STOX2: variants seen among roughly 807,000 people sequenced by gnomAD.
The protein encoded by STOX2 is storkhead box 2.
A neutral mutation model predicts 60.9 loss-of-function variants in STOX2; 28 were observed. The ratio of observed to expected loss-of-function variants is 0.46; its 90% CI spans 0.34 to 0.63. The LOEUF (loss-of-function observed/expected upper bound fraction) is 0.63, where lower values mean the gene tolerates loss of function less well. STOX2 is among the 30% of genes least tolerant of loss of function. The probability of loss-of-function intolerance (pLI) is 0.01; values close to 1 mark genes in which losing one functional copy is unlikely to be tolerated. For synonymous variants in STOX2, 472 were observed against 463.9 expected (o/e 1.02, Z -0.22); for missense variants, 1,024 against 1,187.7 (o/e 0.86, Z 2.03).
At chr4:183,909,835 G>T (rs1008095377) in intron 1 of STOX2, among the ~76,000 whole-genome samples, 1 of 152,196 alleles carries the variant, frequency 6.6e-6, no homozygotes, top group Admixed American at 6.5e-5. Context: ...GTGATTTATA[G>T]CAATAGGCTT....
intron 1 of STOX2, among the ~76,000 whole-genome samples, chr4:183,929,206 G>A (rs1045933688): frequency 2.0e-5 from 3 of 152,180 alleles, no homozygotes; most frequent in African/African-American, 7.2e-5. Context: ...CTCATGGCTG[G>A]TTTCTTTTCT....
intron 1 of STOX2, among the ~76,000 whole-genome samples, chr4:183,973,270 C>T (rs557554415): frequency 6.6e-6 from 1 of 152,240 alleles, no homozygotes; most frequent in South Asian, 2.1e-4. Flanking sequence ...CATGCCCTGA[C>T]ACATCATAAA....
chr4:183,966,759 C>T (rs1486481534), intron 1 of STOX2, among the ~76,000 whole-genome samples: 1 of 152,222 alleles, frequency 6.6e-6, no homozygotes, highest in Non-Finnish European at 1.5e-5. Flanking sequence ...GAAAGTGTGA[C>T]TTAATATTTT....
At chr4:183,986,938 T>A (rs1199437942) in intron 1 of STOX2, among the ~76,000 whole-genome samples, 1 of 152,200 alleles carries the variant, frequency 6.6e-6, no homozygotes, top group African/African-American at 2.4e-5. Context: ...CTTCAGTGCA[T>A]TTCCCATCTT....
At chr4:183,979,190 A>G (rs1462927171) in intron 1 of STOX2, among the ~76,000 whole-genome samples, 6 of 152,318 alleles carry the variant, frequency 3.9e-5, no homozygotes, top group Non-Finnish European at 8.8e-5. Flanking sequence ...GGGAGCCAGC[A>G]TTGTTGGATG....
chr4:183,956,851 G>A (rs954019280), intron 1 of STOX2, among the ~76,000 whole-genome samples: 1 of 151,494 alleles, frequency 6.6e-6, no homozygotes, highest in Admixed American at 6.6e-5. Context: ...TGATTTTTTC[G>A]AGCATTACAG....
rs528769216 is a variant in STOX2 at position 183,967,138 on chromosome 4, G to A, written c.167-34187G>A. 7.2e-5 allele frequency among the ~76,000 whole-genome samples: 11 copies of A among 152,180 alleles called. No individual in the cohort carries two copies. In the East Asian group the frequency reaches 1.9e-3, roughly 27 times the overall value. On this transcript the variant is annotated intron_variant, in intron 1 of 3. Coordinates refer to ENST00000308497, the MANE Select transcript of STOX2 (RefSeq NM_020225.3). ...AGCACTTTGGGAGGCCGAGGTGGGC[G>A]GATCACCTGAGGTCGGGAGTTCAAG...
At chr4:183,953,655 T>TC (rs1743160430) in intron 1 of STOX2, among the ~76,000 whole-genome samples, 2 of 151,110 alleles carry the variant, frequency 1.3e-5, no homozygotes, top group South Asian at 4.2e-4. Flanking sequence ...AACCTCCGCC[T>TC]CCCGAGTTCA....
In STOX2 at chr4:184,011,347, A is replaced by G. The variant is rs1014139614; in HGVS notation, c.2509A>G (p.Arg837Gly). 1 of 1,614,014 alleles carries G rather than the reference A, an allele frequency of 6.2e-7. No homozygotes were observed. The highest frequency in any genetic ancestry group is 8.5e-7 in the Non-Finnish European group (1 of 1,179,892). ...PKETDSSSNQ[R>G]ATHSARLDSM... ...AGAAACCGACAGCAGCAGCAACCAG[A>G]GAGCCACCCATTCAGCCCGGCTCGA... The change falls in exon 3 of 4, where the codon AGA becomes GGA. Residue 837 changes from arginine to glycine, a missense_variant. Around this residue, in one of 3 missense-constraint regions of STOX2, gnomAD observed 922 missense variants for 1,058.3 expected, o/e 0.87. Coordinates refer to ENST00000308497, the MANE Select transcript of STOX2 (RefSeq NM_020225.3). This position sits in a 1 kb window ranked among gnomAD's most constrained non-coding sequence, Gnocchi z 4.4.
At chr4:184,002,897 G>A (rs1733659067) in intron 2 of STOX2, among the ~76,000 whole-genome samples, 1 of 152,160 alleles carries the variant, frequency 6.6e-6, no homozygotes, top group Admixed American at 6.5e-5. Flanking sequence ...TCTAATTAAT[G>A]TGTTTTGATA....
At chr4:183,918,437 A>G (rs1741993551) in intron 1 of STOX2, among the ~76,000 whole-genome samples, 1 of 152,206 alleles carries the variant, frequency 6.6e-6, no homozygotes. Flanking sequence ...GCTTACTCTG[A>G]GATACTTATT....
chr4:183,999,788 C>G (rs1733506484), intron 1 of STOX2, among the ~76,000 whole-genome samples: 1 of 152,222 alleles, frequency 6.6e-6, no homozygotes, highest in Admixed American at 6.5e-5. Context: ...ACTCTGCACT[C>G]CTCCTGCAAA....
chr4:183,942,476 G>A (rs923452202), intron 1 of STOX2, among the ~76,000 whole-genome samples: 1 of 151,680 alleles, frequency 6.6e-6, no homozygotes, highest in Non-Finnish European at 1.5e-5. Flanking sequence ...GGATCACTAA[G>A]AGGCTTCTGA....
chr4:183,799,377 C>A (rs1020583957), intron 1 of STOX2, among the ~76,000 whole-genome samples: 8 of 152,208 alleles, frequency 5.3e-5, no homozygotes, highest in Non-Finnish European at 8.8e-5. Context: ...GCCTCTGAGA[C>A]TTAACTTGCT....
intron 1 of STOX2, among the ~76,000 whole-genome samples, chr4:183,924,565 C>G (rs961725180): frequency 6.6e-6 from 1 of 152,152 alleles, no homozygotes; most frequent in Non-Finnish European, 1.5e-5. Flanking sequence ...CCTTATGTTT[C>G]GAGCTGAGGA....
intron 1 of STOX2, among the ~76,000 whole-genome samples, chr4:183,956,423 C>A (rs1743250819): frequency 6.9e-6 from 1 of 144,742 alleles, no homozygotes; most frequent in Admixed American, 7.0e-5. Context: ...ATCTGTCGAT[C>A]TATCATTCTA....
chr4:183,857,797 G>A (rs1272002583), intron 1 of STOX2, among the ~76,000 whole-genome samples: 1 of 152,014 alleles, frequency 6.6e-6, no homozygotes, highest in Non-Finnish European at 1.5e-5. Flanking sequence ...GTCCTTGTTT[G>A]CATCGATGCT....
chr4:183,889,288 G>A (rs1206686617), intron 1 of STOX2, among the ~76,000 whole-genome samples: 1 of 152,012 alleles, frequency 6.6e-6, no homozygotes, highest in Non-Finnish European at 1.5e-5. Flanking sequence ...TTATAAAAAG[G>A]GGAAACTGGG....
chr4:183,927,729 GTGCTGGTGTGGCATTCTAACAAT>G (rs1241312229), intron 1 of STOX2, among the ~76,000 whole-genome samples: 1 of 152,178 alleles, frequency 6.6e-6, no homozygotes, highest in Non-Finnish European at 1.5e-5. Context: ...GGGTGTGTGA[GTGCTGGTGTGGCATTCTAACAAT>G]TGCCTTCTTT....
Sources: allele counts gnomAD v4.1 joint callset (sites outside exome capture counted in the v4.1 genomes callset), GRCh38; gene constraint gnomAD v4.1.1; regional missense constraint gnomAD v4.1.1; non-coding constraint Gnocchi (gnomAD v3.1); transcripts MANE v1.5; gene names NCBI Gene and HGNC (gene_info 2026-07-23, HGNC 2026-07-21).